The following ARNT2 variants were observed in gnomAD, a reference collection of about 807,000 sequenced individuals.
ARNT2 encodes ARNT protein 2.
ARNT2 carries 36 observed loss-of-function variants against 91.7 expected under a neutral mutation model. The ratio of observed to expected loss-of-function variants is 0.39; its 90% CI spans 0.30 to 0.52. ARNT2 has a LOEUF of 0.52. Among genes scored for constraint, ARNT2 ranks in the 20% least tolerant of loss-of-function variants. The pLI, the probability that ARNT2 is intolerant of heterozygous loss-of-function variation, is 0.72. For synonymous variants in ARNT2, 365 were observed against 347.1 expected (o/e 1.05, Z -0.57); for missense variants, 775 against 939.3 (o/e 0.83, Z 2.29).
chr15:80,442,054 C>A (rs888309244), intron 1 of ARNT2, among the ~76,000 whole-genome samples: 1 of 152,186 alleles, frequency 6.6e-6, no homozygotes, highest in Non-Finnish European at 1.5e-5. Context: ...GAGCAGAGAT[C>A]TAGACAAGAG....
At chr15:80,416,479 C>T (rs1289307139) in intron 1 of ARNT2, among the ~76,000 whole-genome samples, 2 of 152,154 alleles carry the variant, frequency 1.3e-5, no homozygotes, top group Non-Finnish European at 2.9e-5. Context: ...ATTATCTAAT[C>T]CACAGACCTT....
intron 1 of ARNT2, among the ~76,000 whole-genome samples, chr15:80,424,563 C>T (rs919626035): frequency 6.6e-6 from 1 of 152,182 alleles, no homozygotes; most frequent in Non-Finnish European, 1.5e-5. Flanking sequence ...CCAGCCATGG[C>T]AGTGGTATTG....
intron 1 of ARNT2, among the ~76,000 whole-genome samples, chr15:80,417,002 A>G (rs1895794667): frequency 6.6e-6 from 1 of 152,184 alleles, no homozygotes; most frequent in Non-Finnish European, 1.5e-5. Context: ...TACAGGTCCC[A>G]GGGGTTTTTT....
At chr15:80,454,454 C>G (rs1377888045) in intron 2 of ARNT2, among the ~76,000 whole-genome samples, 1 of 152,196 alleles carries the variant, frequency 6.6e-6, no homozygotes, top group Non-Finnish European at 1.5e-5. Flanking sequence ...TTACTTATAG[C>G]CAATGGACTA....
At chr15:80,513,687 T>C (rs1467087539) in intron 6 of ARNT2, among the ~76,000 whole-genome samples, 3 of 138,440 alleles carry the variant, frequency 2.2e-5, no homozygotes, top group Non-Finnish European at 4.5e-5. Flanking sequence ...CAGTGTGTGT[T>C]GTAATGTGGG....
intron 1 of ARNT2, chr15:80,443,155 G>A: frequency 2.2e-6 from 1 of 458,546 alleles, no homozygotes; most frequent in Non-Finnish European, 2.9e-6. Context: ...ATGAGGTGAA[G>A]AGAGAGAGGA....
intron 8 of ARNT2, among the ~76,000 whole-genome samples, chr15:80,530,058 C>G (rs1897711089): frequency 6.6e-6 from 1 of 152,114 alleles, no homozygotes; most frequent in South Asian, 2.1e-4. Flanking sequence ...AATTCCTTAA[C>G]TCGGTATCTT....
At chr15:80,453,990 G>A (rs1896443982) in intron 2 of ARNT2, among the ~76,000 whole-genome samples, 1 of 152,138 alleles carries the variant, frequency 6.6e-6, no homozygotes, top group African/African-American at 2.4e-5. Flanking sequence ...CTTGCAGTTG[G>A]GATCCTCCAG....
intron 17 of ARNT2, among the ~76,000 whole-genome samples, chr15:80,586,692 G>A (rs1049892718): frequency 3.3e-5 from 5 of 151,920 alleles, no homozygotes; most frequent in African/African-American, 7.3e-5. Flanking sequence ...ATGGTGAAAC[G>A]TTGTCTCTAC....
At chr15:80,593,387 C>T in intron 18 of ARNT2, among the ~76,000 whole-genome samples, 1 of 152,254 alleles carries the variant, frequency 6.6e-6, no homozygotes, top group East Asian at 1.9e-4. Context: ...CGTTTACCTG[C>T]TGTCACAACA....
At chr15:80,528,787 C>T (rs1302663073) in intron 8 of ARNT2, among the ~76,000 whole-genome samples, 1 of 152,166 alleles carries the variant, frequency 6.6e-6, no homozygotes, top group Non-Finnish European at 1.5e-5. Context: ...AGACCTTCAC[C>T]AGGAGCAGGT....
chr15:80,538,004 T>C (rs7176892), intron 8 of ARNT2, among the ~76,000 whole-genome samples: 57,722 of 152,006 alleles, frequency 0.38, 11,441 homozygotes, highest in African/African-American at 0.46. Flanking sequence ...GAGAATGCCA[T>C]GTGAAGATGA....
chr15:80,468,521 C>A lies in ARNT2; in HGVS notation c.195-1697C>A, dbSNP rs568447834. 2.0e-5 allele frequency among the ~76,000 whole-genome samples: 3 copies of A among 152,208 alleles called. No individual in the cohort carries two copies. The South Asian group carries it at 6.3e-4, about 32-fold the overall frequency. On this transcript the variant is annotated intron_variant, in intron 3 of 18. Coordinates refer to ENST00000303329, the MANE Select transcript of ARNT2 (RefSeq NM_014862.4). ...TCCCAATTCCAGGCCTTTATTTGAT[C>A]CTGCTGATCCCCTCCCCAAAATAGA...
intron 1 of ARNT2, among the ~76,000 whole-genome samples, chr15:80,421,071 C>A (rs1001001282): frequency 6.6e-6 from 1 of 151,958 alleles, no homozygotes; most frequent in Non-Finnish European, 1.5e-5. Flanking sequence ...TACTACTCAG[C>A]CATAAAAAAT....
In ARNT2 at chr15:80,546,558, C is replaced by A. The variant is rs968917217; in HGVS notation, c.878-4641C>A. Among the ~76,000 whole-genome samples, 3 of 152,170 alleles carry A rather than the reference C, an allele frequency of 2.0e-5. 1 individual carries two copies. Among genetic ancestry groups the A allele is most frequent in the Admixed American group, 2.0e-4 (3 of 15,278 alleles). On this transcript the variant is annotated intron_variant, in intron 8 of 18. Coordinates refer to ENST00000303329, the MANE Select transcript of ARNT2 (RefSeq NM_014862.4). ...GAGATTTGGGCACGATTTTGAAAGA[C>A]CTGTGAGACTGAGGTAGACATTTTC...
intron 8 of ARNT2, among the ~76,000 whole-genome samples, chr15:80,522,329 A>G (rs1450411680): frequency 6.6e-6 from 1 of 152,184 alleles, no homozygotes; most frequent in Non-Finnish European, 1.5e-5. Flanking sequence ...TGCATACATA[A>G]TGGAGCCAGA....
At chr15:80,474,808 A>G (rs890240686) in intron 4 of ARNT2, among the ~76,000 whole-genome samples, 2 of 152,230 alleles carry the variant, frequency 1.3e-5, no homozygotes, top group African/African-American at 2.4e-5. Flanking sequence ...CCGTGTTTAC[A>G]GTAGCTGTAT....
At chr15:80,531,483 C>A (rs773600343) in intron 8 of ARNT2, among the ~76,000 whole-genome samples, 5 of 152,178 alleles carry the variant, frequency 3.3e-5, no homozygotes, top group Non-Finnish European at 5.9e-5. Flanking sequence ...TGGAATTATC[C>A]TGTTCATATT....
chr15:80,468,978 G>A (rs1896696406), intron 3 of ARNT2, among the ~76,000 whole-genome samples: 1 of 152,186 alleles, frequency 6.6e-6, no homozygotes, highest in South Asian at 2.1e-4. Flanking sequence ...CTGGGAGGAT[G>A]GGCTGTTAAG....
Sources: allele counts gnomAD v4.1 joint callset (sites outside exome capture counted in the v4.1 genomes callset), GRCh38; gene constraint gnomAD v4.1.1; transcripts MANE v1.5; gene names NCBI Gene and HGNC (gene_info 2026-07-23, HGNC 2026-07-21).